Variants in EIF4E1B observed in about 807,000 individuals in gnomAD.
The protein encoded by EIF4E1B is eukaryotic translation initiation factor 4E type 1B.
In EIF4E1B, 22 loss-of-function variants were observed where a neutral mutation model predicts 31.3. The ratio of observed to expected loss-of-function variants is 0.70; its 90% CI spans 0.50 to 1.00. The LOEUF (loss-of-function observed/expected upper bound fraction) is 1.00. Ranked by LOEUF, EIF4E1B falls within the 50% of genes least tolerant of loss-of-function variation. The probability of loss-of-function intolerance (pLI) is 0.00; values close to 1 mark genes in which losing one functional copy is unlikely to be tolerated. For synonymous variants in EIF4E1B, 126 were observed against 120.2 expected, an observed-to-expected ratio of 1.05 and a Z score of -0.31; for missense variants, 290 against 311.6, an observed-to-expected ratio of 0.93 and a Z score of 0.52.
chr5:176,646,181 A>G lies in EIF4E1B; in HGVS notation c.*201A>G, dbSNP rs563494671. On this transcript the variant is annotated 3_prime_UTR_variant, in exon 9 of 9. Transcript: ENST00000318682. ...GGTAGTGGTGGCAGTCTGAGGACCT[A>G]GCTTGTCCTGGGGCCACAGGACAGC... 2 of 539,476 alleles carry G rather than the reference A, an allele frequency of 3.7e-6. No individual in the cohort carries two copies. The highest frequency in any genetic ancestry group is 6.0e-5 in the East Asian group (2 of 33,226). 33.4% of individuals were successfully genotyped at this position (539,476 alleles called of 1,614,324 possible).
intron 1 of EIF4E1B, among the ~76,000 whole-genome samples, chr5:176,633,286 G>A (rs928738229): frequency 6.6e-6 from 1 of 152,212 alleles, no homozygotes; most frequent in African/African-American, 2.4e-5. Context: ...CTGGAGTGCA[G>A]TGGCACAGTC....
intron 5 of EIF4E1B, 140 bp downstream of exon 5, chr5:176,643,874 A>C: frequency 1.2e-6 from 1 of 819,780 alleles, no homozygotes; most frequent in Non-Finnish European, 1.9e-6. Flanking sequence ...CAGGGGGTAT[A>C]GGGCACAACC....
chr5:176,643,219 G>C lies in EIF4E1B; in HGVS notation c.153G>C (p.Thr51=). The C allele has an allele frequency of 1.9e-6, 3 of 1,613,102 alleles. No individual in the cohort carries two copies. Among genetic ancestry groups the C allele is most frequent in the Middle Eastern group, 1.8e-4 (1 of 5,486 alleles). Residue 51 remains threonine (T), a synonymous_variant, in exon 4 of 9, where the codon ACG becomes ACC. Coordinates refer to ENST00000318682, the MANE Select transcript of EIF4E1B (RefSeq NM_001099408.2). ...TLLSLRGKAR[T]GGPMEVKLEL... is the part of the protein sequence containing the mutation. ...TGTCTCTGAGAGGGAAGGCCCGGAC[G>C]GGGGGCCCCATGGAAGTCAAGCTGG... is the stretch of plus-strand genomic sequence containing the variant.
In EIF4E1B at chr5:176,642,757, C is replaced by A; in HGVS notation, c.-31C>A. On this transcript the variant is annotated 5_prime_UTR_variant, in exon 3 of 9. Transcript: ENST00000318682. ...GCTTGGTCACAGCTGCTTCCCCAGCCCCAGGCCTGCACGAAGAAGGCACTC... is the reference window on the plus strand; with the variant it reads ...GCTTGGTCACAGCTGCTTCCCCAGCACCAGGCCTGCACGAAGAAGGCACTC... 6.4e-7 allele frequency: 1 copy of A among 1,559,084 alleles called. No individual in the cohort carries two copies. The highest frequency in any genetic ancestry group is 8.7e-7 in the Non-Finnish European group (1 of 1,151,618).
Position 176,646,047 on chromosome 5 carries a change from G to GTCCC in EIF4E1B, c.*67_*68insTCCC. The GTCCC allele has an allele frequency of 1.4e-6, 2 of 1,393,014 alleles. No individual in the cohort carries two copies. The highest frequency in any genetic ancestry group is 2.5e-5 in the South Asian group (2 of 80,628). The allele number at this position is 1,393,014 out of a possible 1,614,324, so 86.3% of individuals were successfully genotyped here. On this transcript the variant is annotated 3_prime_UTR_variant, in exon 9 of 9. Transcript: ENST00000318682. Reference sequence around the variant, plus strand: ...ACTGAGCCTCATTACTTTGGGGGATGGGGCGGGACTGGGGATCAGACAGCC... The same window carrying GTCCC: ...ACTGAGCCTCATTACTTTGGGGGATGTCCCGGGCGGGACTGGGGATCAGACAGCC...
intron 3 of EIF4E1B, 87 bp from the exon 4 acceptor site, chr5:176,642,995 C>G (rs1440796732): frequency 6.6e-7 from 1 of 1,523,696 alleles, no homozygotes; most frequent in African/African-American, 1.4e-5. Flanking sequence ...CTGCCTTCCC[C>G]TCCTGGAGCA....
chr5:176,644,065 G>C, intron 5 of EIF4E1B: 1 of 556,036 alleles, frequency 1.8e-6, no homozygotes, highest in Non-Finnish European at 3.2e-6. Context: ...GGGTGCTCAC[G>C]GGAGTGGCTC....
chr5:176,642,870 C>CCCCCCGGG, intron 3 of EIF4E1B, 68 bp downstream of exon 3: 1 of 1,426,044 alleles, frequency 7.0e-7, no homozygotes, highest in African/African-American at 1.5e-5. Flanking sequence ...CCCCCCGCCC[C>CCCCCCGGG]AGGTGGGCGG....
intron 5 of EIF4E1B, 32 bp downstream of exon 5, chr5:176,643,766 G>C (rs1174037823): frequency 6.3e-7 from 1 of 1,592,248 alleles, no homozygotes. Context: ...GGCTAGAGTT[G>C]GGGGGCTCTG....
chr5:176,644,195 C>G, intron 5 of EIF4E1B, 181 bp from the exon 6 acceptor site: 2 of 643,112 alleles, frequency 3.1e-6, no homozygotes, highest in South Asian at 2.0e-5. Flanking sequence ...TGGGAAGGCT[C>G]TGTGGAAAAG....
chr5:176,642,847 CCT>C (rs1483484331), intron 3 of EIF4E1B, 45 bp downstream of exon 3: 4 of 1,366,016 alleles, frequency 2.9e-6, no homozygotes, highest in Admixed American at 2.6e-5. Context: ...ATGGCCCCGC[CCT>C]CTCCCCCCCC....
intron 1 of EIF4E1B, among the ~76,000 whole-genome samples, chr5:176,632,479 C>A (rs936776349): frequency 1.3e-5 from 2 of 152,252 alleles, no homozygotes; most frequent in Non-Finnish European, 1.5e-5. Flanking sequence ...TGGTCTCGAA[C>A]TCCTGACCAC....
At chr5:176,641,275 C>T (rs538374408) in intron 1 of EIF4E1B, among the ~76,000 whole-genome samples, 251 of 152,250 alleles carry the variant, frequency 1.6e-3, no homozygotes, top group African/African-American at 5.9e-3. Context: ...CGGCAGTGAG[C>T]CAAGATGGCA....
chr5:176,642,597 T>A, intron 2 of EIF4E1B, 113 bp from the exon 3 acceptor site: 3 of 847,574 alleles, frequency 3.5e-6, no homozygotes, highest in Non-Finnish European at 5.4e-6. Flanking sequence ...TGTCAGTGTC[T>A]CTGCTTCTGC....
intron 1 of EIF4E1B, among the ~76,000 whole-genome samples, chr5:176,636,875 C>T (rs1760501672): frequency 6.6e-6 from 1 of 152,228 alleles, no homozygotes; most frequent in African/African-American, 2.4e-5. Flanking sequence ...CTACTGGGTG[C>T]CGATATCATT....
intron 1 of EIF4E1B, among the ~76,000 whole-genome samples, chr5:176,633,459 G>T (rs191952411): frequency 1.8e-4 from 28 of 152,198 alleles, no homozygotes; most frequent in East Asian, 3.9e-4. Context: ...TAGAGACAGG[G>T]TATTTGTTTG....
intron 1 of EIF4E1B, among the ~76,000 whole-genome samples, chr5:176,633,746 A>T (rs879851261): frequency 6.6e-6 from 1 of 152,184 alleles, no homozygotes; most frequent in Non-Finnish European, 1.5e-5. Flanking sequence ...GAGCGGGGAG[A>T]AGGAGGAAGA....
Position 176,645,077 on chromosome 5 carries a change from C to T in EIF4E1B, c.361-53C>T. 6.8e-7 allele frequency: 1 copy of T among 1,480,526 alleles called. No individual in the cohort carries two copies. Among genetic ancestry groups the T allele is most frequent in the South Asian group, 1.2e-5 (1 of 80,042 alleles). The allele number at this position is 1,480,526 out of a possible 1,614,324, so 91.7% of individuals were successfully genotyped here. ...GATAAGGCCGGGATGGTGGGTGGGTCCCCATTTCCCTTTGAACACAGGGAG... is the reference window on the plus strand; with the variant it reads ...GATAAGGCCGGGATGGTGGGTGGGTTCCCATTTCCCTTTGAACACAGGGAG... On this transcript the variant is annotated intron_variant, in intron 6 of 8. Coordinates refer to ENST00000318682, the MANE Select transcript of EIF4E1B (RefSeq NM_001099408.2). This position sits in a 1 kb window ranked among gnomAD's most constrained non-coding sequence, Gnocchi z 5.4.
intron 6 of EIF4E1B, 158 bp downstream of exon 6, chr5:176,644,597 GC>G: frequency 2.4e-6 from 2 of 841,896 alleles, no homozygotes; most frequent in Non-Finnish European, 3.6e-6. Flanking sequence ...CTCTACAGGA[GC>G]CCGGACAGAG....
Sources: gnomAD v4.1 joint callset for allele counts (sites outside exome capture counted in the v4.1 genomes callset) on GRCh38, gnomAD v4.1.1 for gene constraint, Gnocchi (gnomAD v3.1) non-coding constraint, MANE v1.5 for transcripts, NCBI Gene and HGNC (gene_info 2026-07-23, HGNC 2026-07-21) for gene names.